Variants in DCDC2C observed in about 807,000 individuals in gnomAD.
The protein encoded by DCDC2C is doublecortin domain containing 2C.
A neutral mutation model predicts 45.0 loss-of-function variants in DCDC2C; 44 were observed. The ratio of observed to expected loss-of-function variants is 0.98; its 90% CI spans 0.77 to 1.26. The LOEUF (loss-of-function observed/expected upper bound fraction) is 1.26. Ranked by LOEUF, DCDC2C falls within the 50% of genes most tolerant of loss-of-function variation. The probability of loss-of-function intolerance (pLI) is 0.00; values close to 1 mark genes in which losing one functional copy is unlikely to be tolerated. For synonymous variants in DCDC2C, 187 were observed against 178.8 expected, an observed-to-expected ratio of 1.05 and a Z score of -0.37; for missense variants, 447 against 468.9, an observed-to-expected ratio of 0.95 and a Z score of 0.43.
In DCDC2C at chr2:3,707,716, C is replaced by T. The variant is rs79043008; in HGVS notation, c.288-833C>T. 3.3e-5 allele frequency among the ~76,000 whole-genome samples: 5 copies of T among 152,324 alleles called. No individual in the cohort carries two copies. In the East Asian group the frequency reaches 9.6e-4, roughly 29 times the overall value. On this transcript the variant is annotated intron_variant, in intron 1 of 10. Transcript: ENST00000399143. ...GAAAGGATGGTCCCACCAGCCACAGCCCCCACCAGTCCCTGAGACCACCCT... is the reference window on the plus strand; with the variant it reads ...GAAAGGATGGTCCCACCAGCCACAGTCCCCACCAGTCCCTGAGACCACCCT...
intron 3 of DCDC2C, among the ~76,000 whole-genome samples, chr2:3,738,241 C>A (rs950069264): frequency 2.0e-5 from 3 of 152,002 alleles, no homozygotes; most frequent in African/African-American, 7.3e-5. Context: ...ACATTAACGG[C>A]AGATTGGATA....
rs1192234329 is a variant in DCDC2C, at chr2:3,778,845, A to G, written c.984A>G (p.Glu328=). 1.3e-6 allele frequency: 2 copies of G among 1,550,948 alleles called. No individual in the cohort carries two copies. Among genetic ancestry groups the G allele is most frequent in the Non-Finnish European group, 1.7e-6 (2 of 1,147,080 alleles). The change falls in exon 9 of 11, where the codon GAA becomes GAG. Residue 328 remains glutamate, a synonymous_variant. Transcript: ENST00000399143. ...QRQAEIVKED[E]EIHENTPDFE... is the part of the protein sequence containing the mutation. ...AAGCTGAGATAGTTAAAGAAGATGA[A>G]GAGATACATGAGAACACCCCTGATT...
intron 10 of DCDC2C, among the ~76,000 whole-genome samples, chr2:3,837,758 C>T (rs544920536): frequency 3.9e-4 from 59 of 151,874 alleles, no homozygotes; most frequent in African/African-American, 1.3e-3. Context: ...TCAAGAGAGG[C>T]GATAACTGCT....
chr2:3,778,749 G>C (rs1572610457), intron 8 of DCDC2C, 67 bp from the exon 9 acceptor site: 3 of 1,466,326 alleles, frequency 2.0e-6, no homozygotes, highest in Non-Finnish European at 2.8e-6. Flanking sequence ...TATTTCACGT[G>C]CTCTCTGATT....
chr2:3,745,039 G>A (rs357980), intron 4 of DCDC2C, among the ~76,000 whole-genome samples: 83,337 of 152,078 alleles, frequency 0.55, 23,706 homozygotes, highest in East Asian at 0.85. Flanking sequence ...GGGCTGGAGT[G>A]CAATGGTGCA....
chr2:3,797,369 T>G (rs1230902276), intron 10 of DCDC2C, among the ~76,000 whole-genome samples: 2 of 152,044 alleles, frequency 1.3e-5, no homozygotes, highest in African/African-American at 4.8e-5. Context: ...CTCTATTTCC[T>G]TCAGTTCTGC....
At chr2:3,826,905 C>G (rs1182461886) in intron 10 of DCDC2C, among the ~76,000 whole-genome samples, 5 of 152,002 alleles carry the variant, frequency 3.3e-5, no homozygotes, top group Admixed American at 3.3e-4. Flanking sequence ...CTCTCTCCGT[C>G]CCTCCATCCC....
intron 9 of DCDC2C, among the ~76,000 whole-genome samples, chr2:3,779,935 G>C (rs1023699101): frequency 1.3e-5 from 2 of 152,124 alleles, no homozygotes; most frequent in African/African-American, 4.8e-5. Flanking sequence ...AAGGGATATG[G>C]GTCCTCAGGA....
intron 6 of DCDC2C, among the ~76,000 whole-genome samples, chr2:3,765,854 C>T (rs1669997788): frequency 6.6e-6 from 1 of 152,138 alleles, no homozygotes; most frequent in Admixed American, 6.6e-5. Context: ...ACAGGGCACC[C>T]CTCTTGGGAA....
chr2:3,793,856 AG>A (rs941167908), intron 10 of DCDC2C, among the ~76,000 whole-genome samples: 4 of 152,198 alleles, frequency 2.6e-5, no homozygotes, highest in African/African-American at 9.6e-5. Flanking sequence ...GTCATGGGCA[AG>A]GGGGCTTGAA....
chr2:3,778,351 A>G (rs920230283), intron 8 of DCDC2C, among the ~76,000 whole-genome samples: 1 of 152,196 alleles, frequency 6.6e-6, no homozygotes, highest in Admixed American at 6.5e-5. Context: ...GAGCAGGGAG[A>G]GGCTCCAGGA....
At chr2:3,793,819 G>A (rs1670885836) in intron 10 of DCDC2C, among the ~76,000 whole-genome samples, 1 of 152,204 alleles carries the variant, frequency 6.6e-6, no homozygotes, top group African/African-American at 2.4e-5. Flanking sequence ...TGTGCAGAAA[G>A]GTGGTGGGTG....
chr2:3,749,661 C>A (rs889859258), intron 4 of DCDC2C, among the ~76,000 whole-genome samples: 4 of 152,178 alleles, frequency 2.6e-5, no homozygotes, highest in Non-Finnish European at 5.9e-5. Context: ...GTTCCTCCAG[C>A]GTGTGGGCGG....
intron 1 of DCDC2C, 22 bp downstream of exon 1, chr2:3,704,060 A>C: frequency 8.0e-7 from 1 of 1,244,792 alleles, no homozygotes; most frequent in African/African-American, 1.6e-5. Context: ...CGCGCCCCCC[A>C]CGCGCCCTGC....
intron 10 of DCDC2C, among the ~76,000 whole-genome samples, chr2:3,797,102 GTGTA>G (rs1413425699): frequency 6.6e-6 from 1 of 152,132 alleles, no homozygotes. Flanking sequence ...TCTTGGGAGA[GTGTA>G]TGTGTCGAGG....
At chr2:3,719,179 G>A (rs921720828) in intron 2 of DCDC2C, among the ~76,000 whole-genome samples, 4 of 151,990 alleles carry the variant, frequency 2.6e-5, no homozygotes, top group East Asian at 1.9e-4. Context: ...TCTGGCTCCC[G>A]GGTTCATGCT....
chr2:3,819,153 A>G (rs1358867035), intron 10 of DCDC2C, among the ~76,000 whole-genome samples: 2 of 152,172 alleles, frequency 1.3e-5, no homozygotes, highest in Admixed American at 1.3e-4. Context: ...AGGTGATCGG[A>G]CAGCATCAGT....
At chr2:3,771,851 C>T (rs1180061385) in intron 8 of DCDC2C, among the ~76,000 whole-genome samples, 1 of 152,218 alleles carries the variant, frequency 6.6e-6, no homozygotes. Flanking sequence ...ACTGGCATAC[C>T]CATGGACACA....
At chr2:3,835,416 G>A (rs781035880) in intron 10 of DCDC2C, among the ~76,000 whole-genome samples, 7 of 152,276 alleles carry the variant, frequency 4.6e-5, no homozygotes, top group Non-Finnish European at 1.0e-4. Context: ...CAATAAATTC[G>A]AAAGTCAGAG....
Sources: gnomAD v4.1 joint callset for allele counts (sites outside exome capture counted in the v4.1 genomes callset) on GRCh38, gnomAD v4.1.1 for gene constraint, MANE v1.5 for transcripts, NCBI Gene and HGNC (gene_info 2026-07-23, HGNC 2026-07-21) for gene names.